The following B3GALNT2 variants were observed in gnomAD, a reference collection of about 807,000 sequenced individuals.
B3GALNT2 encodes UDP-GalNAc:beta-1,3-N-acetylgalactosaminyltransferase 2.
In B3GALNT2, 53 loss-of-function variants were observed where a neutral mutation model predicts 61.1. The ratio of observed to expected loss-of-function variants is 0.87; its 90% confidence interval spans 0.70 to 1.09. B3GALNT2 has a LOEUF of 1.09. Ranked by LOEUF, B3GALNT2 falls within the 50% of genes least tolerant of loss-of-function variation. The pLI is 0.00. For synonymous variants in B3GALNT2, 223 were observed against 237.4 expected (o/e 0.94, Z 0.56); for missense variants, 544 against 623.0 (o/e 0.87, Z 1.35).
In B3GALNT2 at chr1:235,447,652, T is replaced by TGTTC. The variant is rs373250426; in HGVS notation, c.*2550_*2553dup. Among the ~76,000 whole-genome samples the TGTTC allele has an allele frequency of 7.2e-4, 109 of 152,294 alleles. No homozygotes were observed. The highest frequency in any genetic ancestry group is 2.5e-3 in the African/African-American group (105 of 41,558). On this transcript the variant is annotated 3_prime_UTR_variant, in exon 12 of 12. Transcript: ENST00000366600. Reference sequence around the variant, plus strand: ...TCAGGATACCTGAGTCCCATTCCAGTGTTCGTTCAGTAATTCATAAGGAAG... The same window carrying TGTTC: ...TCAGGATACCTGAGTCCCATTCCAGTGTTCGTTCGTTCAGTAATTCATAAGGAAG...
At chr1:235,482,867 CA>C (rs905786968) in intron 4 of B3GALNT2, among the ~76,000 whole-genome samples, 1 of 151,962 alleles carries the variant, frequency 6.6e-6, no homozygotes, top group African/African-American at 2.4e-5. Context: ...AAAAACCCCC[CA>C]AAATACTAGA....
At chr1:235,492,820 C>T (rs1685132650) in intron 2 of B3GALNT2, among the ~76,000 whole-genome samples, 1 of 152,046 alleles carries the variant, frequency 6.6e-6, no homozygotes, top group African/African-American at 2.4e-5. Context: ...GTCCTGAGGA[C>T]ATTAGTGAGA....
intron 5 of B3GALNT2, among the ~76,000 whole-genome samples, chr1:235,476,727 G>GT (rs1684300815): frequency 6.6e-6 from 1 of 151,108 alleles, no homozygotes; most frequent in African/African-American, 2.4e-5. Flanking sequence ...GCATGTGCCT[G>GT]TAATCCCAGC....
In B3GALNT2 at chr1:235,447,256, A is replaced by G. The variant is rs1682413218; in HGVS notation, c.*2950T>C. ...GAACATTTATTATCACAAGTTGGAT[A>G]AAAACACACAGCTTTTACAAAAATG... On this transcript the variant is annotated 3_prime_UTR_variant, in exon 12 of 12. Transcript: ENST00000366600. Among the ~76,000 whole-genome samples, 1 of 152,242 alleles carries G rather than the reference A, an allele frequency of 6.6e-6. No individual in the cohort carries two copies. The highest frequency in any genetic ancestry group is 1.5e-5 in the Non-Finnish European group (1 of 68,032).
chr1:235,482,350 G>A (rs1684600309), intron 4 of B3GALNT2, among the ~76,000 whole-genome samples: 1 of 151,976 alleles, frequency 6.6e-6, no homozygotes, highest in Non-Finnish European at 1.5e-5. Flanking sequence ...AGAGGACAGA[G>A]TTGGGGCAAA....
At position 235,448,656 on chromosome 1, in the gene B3GALNT2, C is replaced by A. The variant is rs147400126; in HGVS notation, c.*1550G>T. ...TCTTAATCACATCCTTCCCCACCTT[C>A]GTTCTAATTTTAGAAGCCGGGCAGA... On this transcript the variant is annotated 3_prime_UTR_variant, in exon 12 of 12. Transcript: ENST00000366600. 6.2e-7 allele frequency: 1 copy of A among 1,606,828 alleles called. No individual in the cohort carries two copies. The highest frequency in any genetic ancestry group is 8.5e-7 in the Non-Finnish European group (1 of 1,173,532).
At chr1:235,499,100 T>C (rs1460586357) in intron 1 of B3GALNT2, among the ~76,000 whole-genome samples, 3 of 152,142 alleles carry the variant, frequency 2.0e-5, no homozygotes, top group African/African-American at 7.2e-5. Context: ...AAGGACTCAT[T>C]AAATAAATTA....
At chr1:235,454,391 T>A in intron 9 of B3GALNT2, 76 bp from the exon 10 acceptor site, 1 of 1,363,004 alleles carries the variant, frequency 7.3e-7, no homozygotes, top group Non-Finnish European at 1.0e-6. Flanking sequence ...GACTCCTTTA[T>A]CATCACTACA....
chr1:235,443,024 C>A (rs548228406), downstream of B3GALNT2: 1 of 1,042,612 alleles, frequency 9.6e-7, no homozygotes, highest in African/African-American at 1.6e-5. Context: ...TCAGAACTTA[C>A]AGGTTTTCAT....
intron 2 of B3GALNT2, among the ~76,000 whole-genome samples, chr1:235,494,222 A>G (rs942544763): frequency 1.3e-5 from 2 of 152,232 alleles, no homozygotes; most frequent in East Asian, 3.8e-4. Context: ...GAACCTTTTA[A>G]GAATTGCTAT....
Position 235,447,444 on chromosome 1 carries a change from T to C in B3GALNT2, c.*2762A>G, listed in dbSNP as rs1204518836. 1.3e-5 allele frequency among the ~76,000 whole-genome samples: 2 copies of C among 152,242 alleles called. No homozygotes were observed. Among genetic ancestry groups the C allele is most frequent in the African/African-American group, 4.8e-5 (2 of 41,460 alleles). The stretch of plus-strand genomic sequence containing the variant: ...TTGGAAAGAAGTTCATAGTGTATTC[T>C]GAACAAACCAAAGCATTTACTCGGA... On this transcript the variant is annotated 3_prime_UTR_variant, in exon 12 of 12. Coordinates refer to ENST00000366600, the MANE Select transcript of B3GALNT2 (RefSeq NM_152490.5).
chr1:235,462,696 A>C (rs1220752984), intron 7 of B3GALNT2, among the ~76,000 whole-genome samples: 1 of 152,252 alleles, frequency 6.6e-6, no homozygotes, highest in Non-Finnish European at 1.5e-5. Flanking sequence ...ATCAAACATC[A>C]TTGAAGGAAA....
At chr1:235,446,059 T>G (rs1236040296), downstream of B3GALNT2, among the ~76,000 whole-genome samples, 1 of 152,188 alleles carries the variant, frequency 6.6e-6, no homozygotes, top group Non-Finnish European at 1.5e-5. Flanking sequence ...GTACCACATG[T>G]GGCTGCCATA....
intron 11 of B3GALNT2, 73 bp from the exon 12 acceptor site, chr1:235,450,413 G>C (rs2102962906): frequency 2.0e-6 from 3 of 1,516,540 alleles, no homozygotes; most frequent in South Asian, 1.1e-5. Context: ...TATGCACGTA[G>C]ACAGCTTTTA....
At chr1:235,443,537 C>T (rs772828583), downstream of B3GALNT2, among the ~76,000 whole-genome samples, 1 of 152,116 alleles carries the variant, frequency 6.6e-6, no homozygotes, top group South Asian at 2.1e-4. Flanking sequence ...AACCTGAGAC[C>T]TTGAATGGCA....
Position 235,454,264 on chromosome 1 carries a change from C to CTCCA in B3GALNT2, c.1199_1202dup (p.Glu401AspfsTer40). On this transcript the variant is annotated frameshift_variant, in exon 10 of 12. Coordinates refer to ENST00000366600, the MANE Select transcript of B3GALNT2 (RefSeq NM_152490.5). LOFTEE classifies it high-confidence loss of function. Reference sequence around the variant, plus strand: ...AGGCAGGGTAAGCGGGGCTCGGGTACTCCAACTCCTGCCACTTTCCGGTTC... The same window carrying CTCCA: ...AGGCAGGGTAAGCGGGGCTCGGGTACTCCATCCAACTCCTGCCACTTTCCGGTTC... 6.2e-7 allele frequency: 1 copy of CTCCA among 1,613,174 alleles called. No individual in the cohort carries two copies. Among genetic ancestry groups the CTCCA allele is most frequent in the Non-Finnish European group, 8.5e-7 (1 of 1,179,204 alleles).
intron 11 of B3GALNT2, chr1:235,451,499 A>G (rs1273515737): frequency 1.3e-5 from 2 of 151,178 alleles, no homozygotes; most frequent in Non-Finnish European, 2.9e-5. Context: ...AAAAGACCGC[A>G]TCAGAAAACA....
chr1:235,461,194 A>G (rs920042433), intron 7 of B3GALNT2, among the ~76,000 whole-genome samples: 48 of 152,362 alleles, frequency 3.2e-4, no homozygotes, highest in African/African-American at 1.1e-3. Context: ...CTGAAGGCCT[A>G]TATCTGACTT....
At chr1:235,453,052 A>C (rs1468772735) in intron 11 of B3GALNT2, 38 bp downstream of exon 11, 1 of 1,551,054 alleles carries the variant, frequency 6.4e-7, no homozygotes, top group Non-Finnish European at 8.9e-7. Flanking sequence ...CCACCTCCTC[A>C]ACTCTTAAGA....
Sources: allele counts gnomAD v4.1 joint callset (sites outside exome capture counted in the v4.1 genomes callset), GRCh38; gene constraint gnomAD v4.1.1; transcripts MANE v1.5; gene names NCBI Gene and HGNC (gene_info 2026-07-23, HGNC 2026-07-21).